The following KIF20B variants were observed in gnomAD, a reference collection of about 807,000 sequenced individuals.
KIF20B encodes the protein kinesin-like protein KIF20B.
Under a neutral mutation model 232.5 loss-of-function variants are expected in KIF20B, and 188 were observed. The observed-to-expected ratio is 0.81, with a 90% CI of 0.72 to 0.91. The LOEUF is 0.91. Among genes scored for constraint, KIF20B ranks in the 40% least tolerant of loss-of-function variants. KIF20B has a pLI of 0.00. For missense variants in KIF20B, 2,154 were observed against 2,055.9 expected (o/e 1.05, Z -0.92); for synonymous variants, 712 against 683.0 (o/e 1.04, Z -0.66).
At chr10:89,754,492 A>G (rs1455848719) in intron 25 of KIF20B, 26 bp from the exon 26 acceptor site, 14 of 1,451,034 alleles carry the variant, frequency 9.6e-6, no homozygotes, top group Admixed American at 4.8e-5. Flanking sequence ...GCATGCGATA[A>G]TAACTTATAC....
chr10:89,708,203 G>A (rs551278200), intron 2 of KIF20B, among the ~76,000 whole-genome samples: 1 of 145,478 alleles, frequency 6.9e-6, no homozygotes, highest in Non-Finnish European at 1.5e-5. Flanking sequence ...AAGAGTTTAT[G>A]TACAATTTGT....
In KIF20B at chr10:89,716,437, T is replaced by A. The variant is rs1475875082; in HGVS notation, c.942T>A (p.Asp314Glu). 1 of 1,323,948 alleles carries A rather than the reference T, an allele frequency of 7.6e-7. No homozygotes were observed. 82.0% of individuals were successfully genotyped at this position (1,323,948 alleles called of 1,614,324 possible). The change falls in exon 9 of 33, where the codon GAT becomes GAA. Residue 314 changes from aspartate (D) to glutamate (E), a missense_variant and splice_region_variant. Physicochemically the swap from Asp to Glu is conservative, Grantham distance 45. Transcript: ENST00000371728. ...QDVKGYSFIK[D>E]LQWIQVSDSK... Reference sequence around the variant, plus strand: ...ATATATCCTCTTTATTTTTTAAAGATCTACAATGGATTCAAGTATCTGATT... The same window carrying A: ...ATATATCCTCTTTATTTTTTAAAGAACTACAATGGATTCAAGTATCTGATT...
At chr10:89,750,469 C>G (rs1159940468) in intron 23 of KIF20B, among the ~76,000 whole-genome samples, 3 of 152,150 alleles carry the variant, frequency 2.0e-5, no homozygotes, top group Non-Finnish European at 4.4e-5. Flanking sequence ...ACAGTTTTCT[C>G]TTACTGTTTA....
rs1431052490 is a variant in KIF20B, at chr10:89,716,475, A to G, written c.980A>G (p.Tyr327Cys). The G allele has an allele frequency of 2.5e-6, 4 of 1,584,052 alleles. No homozygotes were observed. The highest frequency in any genetic ancestry group is 3.5e-5 in the Admixed American group (2 of 56,500). The change falls in exon 9 of 33, where the codon TAT becomes TGT. Residue 327 changes from tyrosine to cysteine, a missense_variant. By Grantham distance (194) the Tyr-to-Cys change is radical (BLOSUM62 -2). Transcript: ENST00000371728. ...WIQVSDSKEA[Y>C]RLLKLGIKHQ... Reference sequence around the variant, plus strand: ...CAAGTATCTGATTCCAAAGAAGCCTATAGACTTTTAAAACTAGGAATAAAG... The same window carrying G: ...CAAGTATCTGATTCCAAAGAAGCCTGTAGACTTTTAAAACTAGGAATAAAG...
At chr10:89,725,892 G>A (rs929245308) in intron 15 of KIF20B, among the ~76,000 whole-genome samples, 6 of 152,162 alleles carry the variant, frequency 3.9e-5, no homozygotes, top group Middle Eastern at 6.8e-3. Context: ...ATGTCCAGAC[G>A]TCTGCTGTCA....
rs141971716 is a variant in KIF20B at position 89,714,119 on chromosome 10, G to A, written c.712+36G>A. On this transcript the variant is annotated intron_variant, in intron 7 of 32. Coordinates refer to ENST00000371728, the MANE Select transcript of KIF20B (RefSeq NM_001284259.2). ...GTTGCTCACTTATCTTTGATGTATC[G>A]ATTATATGAAGTACACTTGAAAAGC... The A allele has an allele frequency of 4.4e-4, 524 of 1,184,452 alleles. 6 individuals are homozygous for A. The African/African-American group carries it at 7.3e-3, about 17-fold the overall frequency. 73.4% of individuals were successfully genotyped at this position (1,184,452 alleles called of 1,614,324 possible).
chr10:89,747,178 A>G (rs1841929729), intron 23 of KIF20B, among the ~76,000 whole-genome samples: 1 of 152,240 alleles, frequency 6.6e-6, no homozygotes, highest in Non-Finnish European at 1.5e-5. Flanking sequence ...AAGCAAAACC[A>G]CAATGAGATA....
At chr10:89,768,947 C>T (rs1026037897) in intron 31 of KIF20B, 59 bp downstream of exon 31, 62 of 1,359,262 alleles carry the variant, frequency 4.6e-5, no homozygotes, top group Non-Finnish European at 5.6e-5. Context: ...TATTTTAATA[C>T]CTAATTGATA....
intron 19 of KIF20B, among the ~76,000 whole-genome samples, chr10:89,735,365 G>C (rs919147536): frequency 6.6e-6 from 1 of 152,110 alleles, no homozygotes; most frequent in South Asian, 2.1e-4. Context: ...GTGAGATATA[G>C]GGAGTCTGCC....
intron 27 of KIF20B, among the ~76,000 whole-genome samples, chr10:89,759,825 T>C (rs1220677682): frequency 6.6e-6 from 1 of 152,188 alleles, no homozygotes; most frequent in East Asian, 1.9e-4. Context: ...GTCTTTCTTA[T>C]TTGGCAGTAA....
chr10:89,730,660 C>T (rs1361967087), intron 18 of KIF20B, among the ~76,000 whole-genome samples: 1 of 152,064 alleles, frequency 6.6e-6, no homozygotes. Flanking sequence ...AGAAATCTTT[C>T]AGTGAGTGCA....
Position 89,768,885 on chromosome 10 carries a change from A to G in KIF20B, c.5239A>G (p.Lys1747Glu), listed in dbSNP as rs146273081. 6.3e-6 allele frequency: 10 copies of G among 1,583,626 alleles called. No individual in the cohort carries two copies. Among genetic ancestry groups the G allele is most frequent in the South Asian group, 4.7e-5 (4 of 85,422 alleles). ...ACATTCTCCCTCAATTCTTCAATCA[A>G]AAGGTTTGCAGAAAATTAATTAAAT... ...LQHSPSILQS[K>E]AKKIIETMSS... Residue 1747 changes from lysine (K) to glutamate (E), a missense_variant, in exon 31 of 33, where the codon AAA becomes GAA. Transcript: ENST00000371728.
At chr10:89,764,901 T>A (rs1842323159) in intron 29 of KIF20B, among the ~76,000 whole-genome samples, 1 of 152,006 alleles carries the variant, frequency 6.6e-6, no homozygotes, top group Non-Finnish European at 1.5e-5. Context: ...TTTAGTTTAA[T>A]TAGATCCCAT....
intron 7 of KIF20B, among the ~76,000 whole-genome samples, 171 bp downstream of exon 7, chr10:89,714,254 G>T (rs959854466): frequency 1.2e-4 from 18 of 152,114 alleles, no homozygotes; most frequent in African/African-American, 4.3e-4. Context: ...GCTGAGGTGG[G>T]TGGATCATGA....
At chr10:89,751,732 A>G (rs549050278) in intron 24 of KIF20B, among the ~76,000 whole-genome samples, 3 of 152,150 alleles carry the variant, frequency 2.0e-5, no homozygotes, top group Admixed American at 1.3e-4. Context: ...GATAACTTGC[A>G]GTGTTCCCTA....
At position 89,754,640 on chromosome 10, in the gene KIF20B, CAG is replaced by C. The variant is rs750696774; in HGVS notation, c.4471_4472del (p.Arg1491GlyfsTer5). On this transcript the variant is annotated frameshift_variant, in exon 26 of 33. Transcript: ENST00000371728. LOFTEE classifies it high-confidence loss of function. ...NKEMKKYAED[R>X]ERFFKQQNEM... ...AAGAGATGAAAAAATATGCTGAGGA[CAG>C]GGAGCGTTTTTTTAAGCAACAGAAT... The C allele has an allele frequency of 1.3e-6, 2 of 1,588,628 alleles. No homozygotes were observed. The highest frequency in any genetic ancestry group is 1.7e-6 in the Non-Finnish European group (2 of 1,169,588).
chr10:89,772,141 A>G (rs375257984), intron 31 of KIF20B, among the ~76,000 whole-genome samples: 3 of 151,930 alleles, frequency 2.0e-5, no homozygotes, highest in Non-Finnish European at 4.4e-5. Flanking sequence ...AAAAAGTACT[A>G]TGTACTATGT....
At chr10:89,705,672 C>T (rs1485880715) in intron 2 of KIF20B, among the ~76,000 whole-genome samples, 1 of 152,120 alleles carries the variant, frequency 6.6e-6, no homozygotes, top group African/African-American at 2.4e-5. Flanking sequence ...GCATCACAAT[C>T]GTGCTTATTG....
chr10:89,750,208 T>G lies in KIF20B; in HGVS notation c.4097-1138T>G, dbSNP rs113462730. 4.6e-3 allele frequency among the ~76,000 whole-genome samples: 702 copies of G among 152,286 alleles called. 6 individuals carry two copies. The highest frequency in any genetic ancestry group is 0.016 in the African/African-American group (646 of 41,566). On this transcript the variant is annotated intron_variant, in intron 23 of 32. Coordinates refer to ENST00000371728, the MANE Select transcript of KIF20B (RefSeq NM_001284259.2). ...TTACCATTGGTGTTCTGGAAATTTT[T>G]TAATTGATAATTAGATTTGTAAATT...
Sources: allele counts gnomAD v4.1 joint callset (sites outside exome capture counted in the v4.1 genomes callset), GRCh38; gene constraint gnomAD v4.1.1; transcripts MANE v1.5; gene names NCBI Gene and HGNC (gene_info 2026-07-23, HGNC 2026-07-21).